The following GLUD1 variants were observed in gnomAD, a reference collection of about 807,000 sequenced individuals.
GLUD1 encodes glutamate dehydrogenase 1, mitochondrial.
In GLUD1, 22 loss-of-function variants were observed where a neutral mutation model predicts 56.0. The observed-to-expected ratio is 0.39, with a 90% CI of 0.28 to 0.56. The LOEUF (loss-of-function observed/expected upper bound fraction) is 0.56, where lower values mean the gene tolerates loss of function less well. Ranked by LOEUF, GLUD1 falls within the 20% of genes least tolerant of loss-of-function variation. The pLI, the probability that GLUD1 is intolerant of heterozygous loss-of-function variation, is 0.58. For synonymous variants in GLUD1, 223 were observed against 269.9 expected (o/e 0.83, Z 1.70); for missense variants, 451 against 732.0 (o/e 0.62, Z 4.43).
At chr10:87,069,013 A>G (rs1282281838) in intron 4 of GLUD1, among the ~76,000 whole-genome samples, 2 of 151,128 alleles carry the variant, frequency 1.3e-5, no homozygotes, top group Non-Finnish European at 2.9e-5. Flanking sequence ...ACAGCCATTA[A>G]AAAGGGTAAC....
intron 1 of GLUD1, among the ~76,000 whole-genome samples, chr10:87,085,279 G>A (rs545934350): frequency 1.3e-5 from 2 of 151,268 alleles, no homozygotes; most frequent in East Asian, 1.9e-4. Flanking sequence ...CTGGGAGACC[G>A]AGGTTGCAAT....
intron 5 of GLUD1, among the ~76,000 whole-genome samples, chr10:87,063,230 C>T (rs1158144043): frequency 6.6e-6 from 1 of 151,964 alleles, no homozygotes; most frequent in Admixed American, 6.6e-5. Flanking sequence ...CGTGCCACCA[C>T]GCCCGGCTAA....
chr10:87,059,360 A>C (rs1175357864), intron 9 of GLUD1, 87 bp from the exon 10 acceptor site: 6 of 1,273,890 alleles, frequency 4.7e-6, no homozygotes, highest in South Asian at 3.6e-5. Context: ...TTTCAATACC[A>C]AGGTAGACTG....
intron 1 of GLUD1, chr10:87,092,685 A>G: frequency 3.9e-6 from 3 of 762,384 alleles, no homozygotes; most frequent in Non-Finnish European, 4.8e-6. Flanking sequence ...GATTTCAGAG[A>G]CCAAATCATC....
At chr10:87,062,901 G>A in intron 5 of GLUD1, 66 bp from the exon 6 acceptor site, 1 of 1,426,704 alleles carries the variant, frequency 7.0e-7, no homozygotes, top group Middle Eastern at 1.8e-4. Context: ...GGAACATAAT[G>A]AATTAAAGTC....
intron 4 of GLUD1, among the ~76,000 whole-genome samples, 159 bp from the exon 5 acceptor site, chr10:87,068,316 AAT>A (rs1282566695): frequency 6.6e-6 from 1 of 152,262 alleles, no homozygotes; most frequent in Non-Finnish European, 1.5e-5. Flanking sequence ...ATATTCATTA[AAT>A]GTTTCACTAT....
intron 1 of GLUD1, among the ~76,000 whole-genome samples, chr10:87,077,898 T>C (rs1297759955): frequency 6.6e-6 from 1 of 152,048 alleles, no homozygotes; most frequent in African/African-American, 2.4e-5. Context: ...CACAAGTAAG[T>C]AATGGGAGCC....
At chr10:87,061,105 C>A in intron 6 of GLUD1, 53 bp from the exon 7 acceptor site, 1 of 1,496,412 alleles carries the variant, frequency 6.7e-7, no homozygotes, top group African/African-American at 1.4e-5. Flanking sequence ...GTATAGACAG[C>A]AAGAGTCATA....
chr10:87,069,033 T>C (rs1367796664), intron 4 of GLUD1, among the ~76,000 whole-genome samples: 1 of 151,558 alleles, frequency 6.6e-6, no homozygotes, highest in African/African-American at 2.4e-5. Context: ...CTTATATCCA[T>C]GTAAATTACT....
intron 8 of GLUD1, 58 bp from the exon 9 acceptor site, chr10:87,060,299 T>C: frequency 9.1e-7 from 1 of 1,103,904 alleles, no homozygotes. Flanking sequence ...TCCCCTCCAC[T>C]GAGGGCAAGA....
chr10:87,094,789 G>A lies in GLUD1; in HGVS notation c.-20C>T. 6.6e-7 allele frequency: 1 copy of A among 1,521,020 alleles called. No individual in the cohort carries two copies. The highest frequency in any genetic ancestry group is 8.9e-7 in the Non-Finnish European group (1 of 1,127,248). The allele number at this position is 1,521,020 out of a possible 1,614,324, so 94.2% of individuals were successfully genotyped here. Reference sequence around the variant, plus strand: ...GTACATGGCCACAAGCGGAGGGGAGGTGCGTGATGGTCGCGAAACAGGCGC... The same window carrying A: ...GTACATGGCCACAAGCGGAGGGGAGATGCGTGATGGTCGCGAAACAGGCGC... On this transcript the variant is annotated 5_prime_UTR_variant, in exon 1 of 13. Coordinates refer to ENST00000277865, the MANE Select transcript of GLUD1 (RefSeq NM_005271.5). The surrounding 1 kb of genome is among the most constrained non-coding windows in gnomAD (Gnocchi z 6.6).
chr10:87,079,057 G>A (rs1431399898), intron 1 of GLUD1, among the ~76,000 whole-genome samples: 2 of 152,058 alleles, frequency 1.3e-5, no homozygotes, highest in African/African-American at 2.4e-5. Context: ...ATAATTATTT[G>A]CAATTGTTTC....
rs1284822518 is a variant in GLUD1, at chr10:87,080,129, G to A, written c.446-3473C>T. Among the ~76,000 whole-genome samples, 7 of 152,000 alleles carry A rather than the reference G, an allele frequency of 4.6e-5. No homozygotes were observed. The East Asian group carries it at 7.8e-4, about 17-fold the overall frequency. ...GTTTTCGTATTTTTTTGGTGGAGAC[G>A]GGATTTCGCTGTGTTGGCCGGGCTG... On this transcript the variant is annotated intron_variant, in intron 1 of 12. Transcript: ENST00000277865.
intron 1 of GLUD1, 25 bp from the exon 2 acceptor site, chr10:87,076,681 G>A (rs1367797916): frequency 7.5e-7 from 1 of 1,333,158 alleles, no homozygotes; most frequent in Non-Finnish European, 1.1e-6. Flanking sequence ...AAAAAAATGT[G>A]TTGGGGTGGG....
In GLUD1 at chr10:87,050,743, TA is replaced by T. The variant is rs1845610753; in HGVS notation, c.*1007del. ...AGCTGGGTGCAGAATGCAAAGCCTCTAAAAGGAGAGGATACAAAGTCAGGTG... is the reference window on the plus strand; with the variant it reads ...AGCTGGGTGCAGAATGCAAAGCCTCTAAAGGAGAGGATACAAAGTCAGGTG... On this transcript the variant is annotated 3_prime_UTR_variant, in exon 13 of 13. Transcript: ENST00000277865. 6.6e-6 allele frequency: 1 copy of T among 152,198 alleles called. No individual in the cohort carries two copies. The highest frequency in any genetic ancestry group is 6.5e-5 in the Admixed American group (1 of 15,282). The allele number at this position is 152,198 out of a possible 1,614,324, so 9.4% of individuals were successfully genotyped here.
At chr10:87,076,709 T>C (rs1206711056) in intron 1 of GLUD1, 53 bp from the exon 2 acceptor site, 2 of 994,576 alleles carry the variant, frequency 2.0e-6, no homozygotes, top group African/African-American at 1.6e-5. Context: ...GAAGGGGTTA[T>C]ATTTAGAACA....
intron 1 of GLUD1, among the ~76,000 whole-genome samples, chr10:87,088,376 G>A (rs4934295): frequency 0.033 from 5,058 of 152,006 alleles, 221 homozygotes; most frequent in Admixed American, 0.11. Flanking sequence ...TCTGCATAAA[G>A]TTCAGAGATC....
chr10:87,085,497 A>G (rs779823840), intron 1 of GLUD1, among the ~76,000 whole-genome samples: 10 of 152,228 alleles, frequency 6.6e-5, no homozygotes, highest in Non-Finnish European at 1.2e-4. Flanking sequence ...TGAAGAGGTA[A>G]CTAAGCTTTC....
intron 4 of GLUD1, 126 bp from the exon 5 acceptor site, chr10:87,068,283 G>C (rs1846132382): frequency 1.5e-6 from 1 of 689,442 alleles, no homozygotes; most frequent in Non-Finnish European, 2.7e-6. Context: ...ATCTCATTTA[G>C]GTAGCTAATC....
Sources: gnomAD v4.1 joint callset for allele counts (sites outside exome capture counted in the v4.1 genomes callset) on GRCh38, gnomAD v4.1.1 for gene constraint, Gnocchi (gnomAD v3.1) non-coding constraint, MANE v1.5 for transcripts, NCBI Gene and HGNC (gene_info 2026-07-23, HGNC 2026-07-21) for gene names.